The following DNAH14 variants were observed in gnomAD, a reference collection of about 807,000 sequenced individuals.
DNAH14 encodes dynein axonemal heavy chain 14, also known as axonemal beta dynein heavy chain 14.
A neutral mutation model predicts 520.9 loss-of-function variants in DNAH14; 478 were observed. The ratio of observed to expected loss-of-function variants is 0.92; its 90% CI spans 0.85 to 0.99. The LOEUF (loss-of-function observed/expected upper bound fraction) is 0.99. Among genes scored for constraint, DNAH14 ranks in the 50% least tolerant of loss-of-function variants. The pLI, the probability that DNAH14 is intolerant of heterozygous loss-of-function variation, is 0.00. For missense variants in DNAH14, 4,831 were observed against 5,234.5 expected, an observed-to-expected ratio of 0.92 and a Z score of 2.38; for synonymous variants, 1,581 against 1,757.2, an observed-to-expected ratio of 0.90 and a Z score of 2.51.
At chr1:225,358,928 C>A (rs936935052) in intron 74 of DNAH14, among the ~76,000 whole-genome samples, 3 of 152,210 alleles carry the variant, frequency 2.0e-5, no homozygotes, top group African/African-American at 7.2e-5. Flanking sequence ...TCTCCTTTGC[C>A]TTCTGCCATG....
intron 23 of DNAH14, among the ~76,000 whole-genome samples, chr1:225,103,047 A>G (rs2075663847): frequency 6.6e-6 from 1 of 152,180 alleles, no homozygotes; most frequent in Non-Finnish European, 1.5e-5. Context: ...TCTTTAATCC[A>G]TCTTGAATTA....
chr1:225,300,951 T>C lies in DNAH14; in HGVS notation c.8552T>C (p.Ile2851Thr). The C allele has an allele frequency of 6.4e-7, 1 of 1,551,468 alleles. No individual in the cohort carries two copies. Among genetic ancestry groups the C allele is most frequent in the Non-Finnish European group, 8.7e-7 (1 of 1,146,852 alleles). Reference protein sequence around the residue: ...DLFENVELDSIAMKIRYLTEQ... With the variant: ...DLFENVELDSTAMKIRYLTEQ... ...TTTGAAAATGTTGAGCTGGATTCTATTGCAATGAAAATCAGATATCTTACT... is the reference window on the plus strand; with the variant it reads ...TTTGAAAATGTTGAGCTGGATTCTACTGCAATGAAAATCAGATATCTTACT... Residue 2851 changes from isoleucine (I) to threonine (T), a missense_variant, in exon 56 of 86, where the codon ATT (isoleucine) becomes ACT (threonine). By Grantham distance (89) the Ile-to-Thr change is moderately conservative (BLOSUM62 -1). Transcript: ENST00000682510.
At chr1:225,260,601 C>T (rs1268593787) in intron 46 of DNAH14, among the ~76,000 whole-genome samples, 4 of 146,284 alleles carry the variant, frequency 2.7e-5, no homozygotes, top group Middle Eastern at 3.4e-3. Flanking sequence ...GGTGATGCCA[C>T]AAGCTTTTTT....
chr1:225,094,695 C>CAAAAA (rs1167390504), intron 21 of DNAH14, among the ~76,000 whole-genome samples: 4 of 92,796 alleles, frequency 4.3e-5, no homozygotes, highest in Non-Finnish European at 1.2e-4. Context: ...AACAAACAAA[C>CAAAAA]AAAAAAACGC....
intron 74 of DNAH14, among the ~76,000 whole-genome samples, chr1:225,359,585 A>C (rs952922731): frequency 6.6e-6 from 1 of 152,214 alleles, no homozygotes; most frequent in Non-Finnish European, 1.5e-5. Flanking sequence ...CTTTGATTTT[A>C]TTACATAAAA....
rs141656993 is a variant in DNAH14, at chr1:225,025,645, C to T, written c.1358+1780C>T. ...TGCTGCATGCCTGTAGTCCCAGCTCCTCGGGAGGCTGAGGTGGGAGGATCA... is the reference window on the plus strand; with the variant it reads ...TGCTGCATGCCTGTAGTCCCAGCTCTTCGGGAGGCTGAGGTGGGAGGATCA... On this transcript the variant is annotated intron_variant, in intron 11 of 85. Coordinates refer to ENST00000682510, the MANE Select transcript of DNAH14 (RefSeq NM_001367479.1). 7.1e-3 allele frequency among the ~76,000 whole-genome samples: 1,077 copies of T among 151,278 alleles called. 7 individuals carry two copies. Among genetic ancestry groups the T allele is most frequent in the African/African-American group, 0.025 (1,009 of 41,180 alleles).
rs901636633 is a variant in DNAH14 at position 225,373,886 on chromosome 1, G to C, written c.12319-802G>C. On this transcript the variant is annotated intron_variant, in intron 77 of 85. Coordinates refer to ENST00000682510, the MANE Select transcript of DNAH14 (RefSeq NM_001367479.1). ...CATGCCTGTAATCTCAGCACTTTGGGAGGCCAAGGCAGGCGGATCGCTTGA... is the reference window on the plus strand; with the variant it reads ...CATGCCTGTAATCTCAGCACTTTGGCAGGCCAAGGCAGGCGGATCGCTTGA... Among the ~76,000 whole-genome samples, 31 of 151,714 alleles carry C rather than the reference G, an allele frequency of 2.0e-4. 1 individual carries two copies. Among genetic ancestry groups the C allele is most frequent in the African/African-American group, 6.3e-4 (26 of 41,288 alleles).
intron 37 of DNAH14, among the ~76,000 whole-genome samples, chr1:225,186,242 A>G (rs2084713267): frequency 6.6e-6 from 1 of 151,722 alleles, no homozygotes; most frequent in African/African-American, 2.4e-5. Context: ...GTCAGTGGGA[A>G]ATATCCTGCT....
rs567012639 is a variant in DNAH14, at chr1:225,383,047, G to C, written c.13077+1468G>C. The stretch of plus-strand genomic sequence containing the variant: ...TGGTTGCCTCAGTTTGTGGGTGACA[G>C]AGAACTGGAGAATGGATGCTGAGAG... On this transcript the variant is annotated intron_variant, in intron 81 of 85. Transcript: ENST00000682510. Among the ~76,000 whole-genome samples the C allele has an allele frequency of 2.6e-5, 4 of 152,326 alleles. No homozygotes were observed. In the East Asian group the frequency reaches 7.7e-4, roughly 29 times the overall value.
intron 38 of DNAH14, among the ~76,000 whole-genome samples, chr1:225,200,522 G>A (rs1198703634): frequency 2.0e-5 from 3 of 152,098 alleles, no homozygotes; most frequent in African/African-American, 7.2e-5. Context: ...AGCAGTTCTT[G>A]TAGTGCTGGC....
chr1:225,053,778 G>C lies in DNAH14; in HGVS notation c.2424+1983G>C, dbSNP rs182559193. On this transcript the variant is annotated intron_variant, in intron 17 of 85. Transcript: ENST00000682510. ...TATTGGGAGGAGGAACATAGTACTTGTTAAATTGCATAATAATATTCAAGT... is the reference window on the plus strand; with the variant it reads ...TATTGGGAGGAGGAACATAGTACTTCTTAAATTGCATAATAATATTCAAGT... Among the ~76,000 whole-genome samples the C allele has an allele frequency of 4.6e-5, 7 of 152,282 alleles. No individual in the cohort carries two copies. In the East Asian group the frequency reaches 1.2e-3, roughly 25 times the overall value.
At chr1:225,253,620 A>C (rs2092635465) in intron 44 of DNAH14, among the ~76,000 whole-genome samples, 1 of 151,978 alleles carries the variant, frequency 6.6e-6, no homozygotes, top group African/African-American at 2.4e-5. Context: ...AGTAATCCTA[A>C]TCTGTTATCA....
chr1:224,961,856 A>G (rs1457546961), intron 4 of DNAH14, among the ~76,000 whole-genome samples: 2 of 152,120 alleles, frequency 1.3e-5, no homozygotes, highest in Non-Finnish European at 2.9e-5. Flanking sequence ...TGAAATTGGT[A>G]TCTAGTGTAA....
chr1:225,318,061 A>T (rs1368915521), intron 60 of DNAH14, among the ~76,000 whole-genome samples: 3 of 152,210 alleles, frequency 2.0e-5, no homozygotes, highest in Admixed American at 6.5e-5. Context: ...CCACTGCAAC[A>T]CCTGATGTGA....
At chr1:225,227,408 C>A (rs561729054) in intron 41 of DNAH14, among the ~76,000 whole-genome samples, 1 of 152,308 alleles carries the variant, frequency 6.6e-6, no homozygotes, top group Non-Finnish European at 1.5e-5. Flanking sequence ...AGCCCTAAAT[C>A]CATTAAACCT....
At chr1:225,147,338 A>G in intron 31 of DNAH14, 89 bp downstream of exon 31, 1 of 1,338,400 alleles carries the variant, frequency 7.5e-7, no homozygotes, top group Non-Finnish European at 9.7e-7. Flanking sequence ...TTTCCCCAAT[A>G]AGTGTTTAGG....
At chr1:225,392,169 C>G in intron 83 of DNAH14, 122 bp from the exon 84 acceptor site, 1 of 1,259,750 alleles carries the variant, frequency 7.9e-7, no homozygotes. Context: ...CAGCCCATCT[C>G]TTTTGTTCTC....
At chr1:225,389,964 A>AG in intron 83 of DNAH14, 91 bp downstream of exon 83, 1 of 1,217,966 alleles carries the variant, frequency 8.2e-7, no homozygotes, top group Non-Finnish European at 1.2e-6. Flanking sequence ...CCTCCCCTTT[A>AG]GGATGACAAC....
intron 44 of DNAH14, among the ~76,000 whole-genome samples, chr1:225,257,270 T>C (rs147714999): frequency 3.8e-4 from 58 of 152,278 alleles, no homozygotes; most frequent in African/African-American, 1.3e-3. Context: ...TAAAAGTGCC[T>C]CTAGTGTCCT....
Sources: allele counts gnomAD v4.1 joint callset (sites outside exome capture counted in the v4.1 genomes callset), GRCh38; gene constraint gnomAD v4.1.1; transcripts MANE v1.5; gene names NCBI Gene and HGNC (gene_info 2026-07-23, HGNC 2026-07-21).